Variants in RAD54B observed in about 807,000 individuals in gnomAD.
The protein encoded by RAD54B is RAD54 homolog B.
Under a neutral mutation model 95.8 loss-of-function variants are expected in RAD54B, and 78 were observed. That is an observed-to-expected ratio of 0.81 (90% CI 0.68 to 0.98). RAD54B has a LOEUF of 0.98. Ranked by LOEUF, RAD54B falls within the 50% of genes least tolerant of loss-of-function variation. The pLI is 0.00. For missense variants in RAD54B, 957 were observed against 1,056.6 expected (o/e 0.91, Z 1.31); for synonymous variants, 328 against 354.9 (o/e 0.92, Z 0.85).
At chr8:94,467,343 C>T (rs1452281908) in intron 2 of RAD54B, 62 bp downstream of exon 2, 2 of 1,366,400 alleles carry the variant, frequency 1.5e-6, no homozygotes, top group Non-Finnish European at 2.0e-6. Flanking sequence ...CTTTAAATGG[C>T]ATTTTCTTAA....
chr8:94,466,687 G>A (rs1412579610), intron 2 of RAD54B, among the ~76,000 whole-genome samples: 1 of 152,082 alleles, frequency 6.6e-6, no homozygotes, highest in Non-Finnish European at 1.5e-5. Context: ...GATTACAGGC[G>A]TGAGCCACTG....
intron 5 of RAD54B, among the ~76,000 whole-genome samples, chr8:94,405,007 T>C (rs551968909): frequency 7.9e-5 from 12 of 152,154 alleles, no homozygotes; most frequent in African/African-American, 2.9e-4. Flanking sequence ...AGAGGCAAGG[T>C]TTCACCATGT....
At chr8:94,460,071 C>T (rs925433879) in intron 2 of RAD54B, among the ~76,000 whole-genome samples, 3 of 151,332 alleles carry the variant, frequency 2.0e-5, no homozygotes, top group Non-Finnish European at 4.4e-5. Flanking sequence ...GGCAGGAGAA[C>T]GGCGTGAACC....
intron 3 of RAD54B, among the ~76,000 whole-genome samples, chr8:94,413,446 GAGGAA>G (rs1338450368): frequency 1.3e-5 from 2 of 152,170 alleles, no homozygotes; most frequent in African/African-American, 4.8e-5. Context: ...CAAATTCAAT[GAGGAA>G]AGGAAAGTCT....
chr8:94,390,852 T>C (rs1456945757), intron 10 of RAD54B, among the ~76,000 whole-genome samples: 2 of 152,000 alleles, frequency 1.3e-5, no homozygotes, highest in African/African-American at 4.8e-5. Flanking sequence ...AAACACGAAA[T>C]TCATTTATAT....
At chr8:94,431,354 AAAAT>A in intron 3 of RAD54B, 1 of 984,684 alleles carries the variant, frequency 1.0e-6, no homozygotes, top group Non-Finnish European at 1.2e-6. Context: ...TGCTGGAACA[AAAAT>A]AGAGAGAGAA....
At chr8:94,390,024 T>C (rs1208589931) in intron 10 of RAD54B, among the ~76,000 whole-genome samples, 2 of 152,184 alleles carry the variant, frequency 1.3e-5, no homozygotes, top group Non-Finnish European at 2.9e-5. Flanking sequence ...TTGATTTTTA[T>C]CACTGTATAT....
intron 3 of RAD54B, chr8:94,431,588 C>T: frequency 2.2e-6 from 2 of 919,788 alleles, no homozygotes; most frequent in Non-Finnish European, 2.6e-6. Context: ...TTGAGTTCTC[C>T]CTGGACCTGT....
At chr8:94,431,686 G>A (rs183732163) in intron 3 of RAD54B, 2 of 982,904 alleles carry the variant, frequency 2.0e-6, no homozygotes, top group African/African-American at 3.5e-5. Flanking sequence ...TCCTTCAAAA[G>A]ATAAAAGCAT....
chr8:94,394,442 A>G (rs975791523), intron 8 of RAD54B, among the ~76,000 whole-genome samples: 3 of 152,186 alleles, frequency 2.0e-5, no homozygotes, highest in African/African-American at 7.2e-5. Flanking sequence ...TAAAGATAAT[A>G]AATTCCCAGA....
chr8:94,387,451 CAAAG>C (rs1446485704), intron 10 of RAD54B: 4 of 224,106 alleles, frequency 1.8e-5, no homozygotes, highest in African/African-American at 9.0e-5. Flanking sequence ...TAGGAGCAGA[CAAAG>C]AAAGGAGAGA....
intron 8 of RAD54B, among the ~76,000 whole-genome samples, chr8:94,395,547 G>A (rs925705156): frequency 1.3e-5 from 2 of 152,122 alleles, no homozygotes; most frequent in East Asian, 3.8e-4. Flanking sequence ...AAAGGAAGGG[G>A]TTCTAAGTTG....
At chr8:94,377,545 GAAAAAAAAAAAAAAAAAA>G (rs71273330) in intron 14 of RAD54B, among the ~76,000 whole-genome samples, 891 of 70,566 alleles carry the variant, frequency 0.013, 29 homozygotes, top group African/African-American at 0.053. Flanking sequence ...CCCTGTCTTG[GAAAAAAAAAAAAAAAAAA>G]AAAAAAAAAA....
intron 1 of RAD54B, among the ~76,000 whole-genome samples, chr8:94,468,952 A>G (rs1813099708): frequency 6.6e-6 from 1 of 151,970 alleles, no homozygotes; most frequent in Non-Finnish European, 1.5e-5. Flanking sequence ...TAGCAGCAAG[A>G]CTTCAACTGA....
intron 3 of RAD54B, among the ~76,000 whole-genome samples, chr8:94,435,870 T>C (rs187575591): frequency 6.6e-6 from 1 of 152,250 alleles, no homozygotes; most frequent in African/African-American, 2.4e-5. Context: ...TTTAATTTTA[T>C]TAAGTAAACT....
chr8:94,447,966 A>T (rs560666100), intron 3 of RAD54B, among the ~76,000 whole-genome samples: 6 of 152,340 alleles, frequency 3.9e-5, no homozygotes, highest in African/African-American at 1.4e-4. Flanking sequence ...CAGTTATATA[A>T]GCTAGTATTT....
intron 3 of RAD54B, among the ~76,000 whole-genome samples, chr8:94,457,153 T>C (rs574950640): frequency 2.0e-5 from 3 of 152,258 alleles, no homozygotes; most frequent in South Asian, 2.1e-4. Flanking sequence ...ACATGGATCA[T>C]TTTCTACCTC....
At chr8:94,374,693 A>T (rs1318969628) in intron 14 of RAD54B, among the ~76,000 whole-genome samples, 1 of 152,174 alleles carries the variant, frequency 6.6e-6, no homozygotes, top group African/African-American at 2.4e-5. Flanking sequence ...ATAACAATAA[A>T]ATAGAGAAAC....
chr8:94,428,152 T>A, intron 3 of RAD54B: 1 of 844,164 alleles, frequency 1.2e-6, no homozygotes, highest in Non-Finnish European at 1.4e-6. Flanking sequence ...CTATCCACTA[T>A]CTAAATTACT....
Sources: gnomAD v4.1 joint callset for allele counts (sites outside exome capture counted in the v4.1 genomes callset) on GRCh38, gnomAD v4.1.1 for gene constraint, MANE v1.5 for transcripts, NCBI Gene and HGNC (gene_info 2026-07-23, HGNC 2026-07-21) for gene names.